Variants in DAB2 observed in about 807,000 individuals in gnomAD.
DAB2 encodes DAB adaptor protein 2, also known as disabled homolog 2.
DAB2 carries 28 observed loss-of-function variants against 71.6 expected under a neutral mutation model. The observed-to-expected ratio is 0.39, with a 90% CI of 0.29 to 0.54. DAB2 has a LOEUF of 0.54. Ranked by LOEUF, DAB2 falls within the 20% of genes least tolerant of loss-of-function variation. The pLI is 0.68. For synonymous variants in DAB2, 345 were observed against 339.7 expected (o/e 1.02, Z -0.17); for missense variants, 867 against 928.8 (o/e 0.93, Z 0.86).
chr5:39,406,438 T>C (rs1755612849), intron 1 of DAB2, among the ~76,000 whole-genome samples: 1 of 152,178 alleles, frequency 6.6e-6, no homozygotes, highest in Non-Finnish European at 1.5e-5. Flanking sequence ...CTTTCTTCAG[T>C]GGCTAAAACC....
At chr5:39,381,041 G>A (rs1203114561) in intron 11 of DAB2, among the ~76,000 whole-genome samples, 1 of 152,106 alleles carries the variant, frequency 6.6e-6, no homozygotes, top group Non-Finnish European at 1.5e-5. Flanking sequence ...TTCTAAGAGG[G>A]CTATGTGTTG....
chr5:39,381,719 A>C (rs1754985039), intron 10 of DAB2, 103 bp from the exon 11 acceptor site: 2 of 1,319,184 alleles, frequency 1.5e-6, no homozygotes, highest in South Asian at 2.9e-5. Context: ...GAGCCACAAA[A>C]AGGAAAACTT....
chr5:39,373,721 T>G (rs776878565), intron 14 of DAB2, among the ~76,000 whole-genome samples: 3 of 152,118 alleles, frequency 2.0e-5, no homozygotes, highest in Non-Finnish European at 2.9e-5. Context: ...CAAAGAGAAG[T>G]CTAGTTCATT....
Position 39,372,271 on chromosome 5 carries a change from G to T in DAB2, c.*1160C>A, listed in dbSNP as rs1038038655. The T allele has an allele frequency of 6.6e-6, 1 of 152,136 alleles. No individual in the cohort carries two copies. The highest frequency in any genetic ancestry group is 2.4e-5 in the African/African-American group (1 of 41,432). The allele number at this position is 152,136 out of a possible 1,614,324, so 9.4% of individuals were successfully genotyped here. A position where few individuals can be genotyped will look rare whatever the true frequency, so the allele number is the denominator to read the frequency against. On this transcript the variant is annotated 3_prime_UTR_variant, in exon 15 of 15. Transcript: ENST00000320816. ...TTTTCAATGGTAACCCCAAACATTT[G>T]TTCTACAGCTTTTTCTCCCCTCTTA...
chr5:39,397,300 A>C (rs1006469279), intron 1 of DAB2, among the ~76,000 whole-genome samples: 1 of 152,190 alleles, frequency 6.6e-6, no homozygotes, highest in African/African-American at 2.4e-5. Context: ...CAGGGACTCC[A>C]GTACTAGCTA....
intron 1 of DAB2, among the ~76,000 whole-genome samples, chr5:39,396,509 C>A (rs1350682598): frequency 6.6e-6 from 1 of 152,186 alleles, no homozygotes; most frequent in Admixed American, 6.5e-5. Context: ...GTAATGAGGG[C>A]AGTTGTAGCT....
At chr5:39,424,506 CACACACACA>C (rs1756059340) in intron 1 of DAB2, among the ~76,000 whole-genome samples, 1 of 147,168 alleles carries the variant, frequency 6.8e-6, no homozygotes. Flanking sequence ...CACACACACA[CACACACACA>C]CACACACGAC....
intron 12 of DAB2, 24 bp from the exon 13 acceptor site, chr5:39,376,130 A>G: frequency 1.3e-6 from 2 of 1,582,762 alleles, no homozygotes; most frequent in Non-Finnish European, 1.7e-6. Flanking sequence ...AATCCAGGCA[A>G]TCAGTAGACA....
chr5:39,391,201 C>T (rs1755219197), intron 4 of DAB2, among the ~76,000 whole-genome samples: 1 of 152,060 alleles, frequency 6.6e-6, no homozygotes, highest in Non-Finnish European at 1.5e-5. Flanking sequence ...GGGGTGGGGA[C>T]TGTATTGGCT....
intron 1 of DAB2, among the ~76,000 whole-genome samples, chr5:39,401,353 A>T (rs1029401141): frequency 3.3e-5 from 5 of 152,198 alleles, no homozygotes; most frequent in African/African-American, 1.2e-4. Flanking sequence ...TTTGAAAATG[A>T]TATGGCAGGA....
rs192428241 is a variant in DAB2, at chr5:39,422,060, A to C, written c.-102+2744T>G. On this transcript the variant is annotated intron_variant, in intron 1 of 14. Transcript: ENST00000320816. The surrounding 1 kb of genome is among the most constrained non-coding windows in gnomAD (Gnocchi z 4.1). Reference sequence around the variant, plus strand: ...ACTCCAGCATGGGCAACAGAGGGAGACTCTGTCTCAAACAAAACAAAACAA... The same window carrying C: ...ACTCCAGCATGGGCAACAGAGGGAGCCTCTGTCTCAAACAAAACAAAACAA... Among the ~76,000 whole-genome samples the C allele has an allele frequency of 6.6e-6, 1 of 152,024 alleles. No individual in the cohort carries two copies. The highest frequency in any genetic ancestry group is 2.4e-5 in the African/African-American group (1 of 41,366).
At chr5:39,419,403 C>T (rs560798951) in intron 1 of DAB2, among the ~76,000 whole-genome samples, 1 of 152,262 alleles carries the variant, frequency 6.6e-6, no homozygotes, top group South Asian at 2.1e-4. Flanking sequence ...CCTGGCTCTA[C>T]CACTTAATGA....
intron 1 of DAB2, among the ~76,000 whole-genome samples, chr5:39,416,461 C>T (rs1261059396): frequency 6.6e-6 from 1 of 152,134 alleles, no homozygotes; most frequent in Admixed American, 6.5e-5. Flanking sequence ...CCTCCATTCA[C>T]ATTCAAGCTG....
chr5:39,377,211 A>G lies in DAB2; in HGVS notation c.1576T>C (p.Ser526Pro). Residue 526 changes from serine to proline, a missense_variant, in exon 12 of 15, where the codon TCA (serine) becomes CCA (proline). Physicochemically the swap from Ser to Pro is moderately conservative, Grantham distance 74 (BLOSUM62 -1). Transcript: ENST00000320816. The part of the protein sequence containing the change: ...TASLVFNQSP[S>P]MAPGAMMGGQ... ...CCCATCATGGCTCCCGGAGCCATTG[A>G]AGGGGACTGATTGAAGACCAAAGAT... 1 of 1,614,162 alleles carries G rather than the reference A, an allele frequency of 6.2e-7. No individual in the cohort carries two copies. The highest frequency in any genetic ancestry group is 8.5e-7 in the Non-Finnish European group (1 of 1,179,988).
intron 7 of DAB2, 95 bp from the exon 8 acceptor site, chr5:39,388,947 G>A: frequency 7.6e-7 from 1 of 1,322,678 alleles, no homozygotes; most frequent in Non-Finnish European, 1.1e-6. Context: ...AATGGTTTTG[G>A]TATCATCTTT....
intron 1 of DAB2, among the ~76,000 whole-genome samples, chr5:39,405,288 A>G (rs916281331): frequency 6.6e-6 from 1 of 152,216 alleles, no homozygotes; most frequent in African/African-American, 2.4e-5. Flanking sequence ...ATTAGAGAGT[A>G]TACACCCATT....
chr5:39,381,644 C>A (rs549613730), intron 10 of DAB2, 28 bp from the exon 11 acceptor site: 22 of 1,612,278 alleles, frequency 1.4e-5, no homozygotes, highest in African/African-American at 2.7e-5. Flanking sequence ...GAGGGAGAAG[C>A]CTTAGTTACT....
intron 1 of DAB2, among the ~76,000 whole-genome samples, chr5:39,396,823 A>G (rs1188861145): frequency 6.6e-6 from 1 of 152,206 alleles, no homozygotes; most frequent in Non-Finnish European, 1.5e-5. Flanking sequence ...TTTTAGATGG[A>G]AACACTTGTG....
chr5:39,393,495 C>T, intron 2 of DAB2, 102 bp from the exon 3 acceptor site: 1 of 1,162,814 alleles, frequency 8.6e-7, no homozygotes, highest in South Asian at 1.5e-5. Context: ...CCTGATTATA[C>T]TACAACTGAT....
Sources: allele counts gnomAD v4.1 joint callset (sites outside exome capture counted in the v4.1 genomes callset), GRCh38; gene constraint gnomAD v4.1.1; non-coding constraint Gnocchi (gnomAD v3.1); transcripts MANE v1.5; gene names NCBI Gene and HGNC (gene_info 2026-07-23, HGNC 2026-07-21).